NRIP1: variants seen among roughly 807,000 people sequenced by gnomAD.
The protein encoded by NRIP1 is nuclear receptor interacting protein 1.
A neutral mutation model predicts 75.0 loss-of-function variants in NRIP1; 28 were observed. That is an observed-to-expected ratio of 0.37 (90% CI 0.28 to 0.51). The LOEUF (loss-of-function observed/expected upper bound fraction) is 0.51, where lower values mean the gene tolerates loss of function less well. Among genes scored for constraint, NRIP1 ranks in the 20% least tolerant of loss-of-function variants. The pLI, the probability that NRIP1 is intolerant of heterozygous loss-of-function variation, is 0.92. For synonymous variants in NRIP1, 526 were observed against 487.6 expected, an observed-to-expected ratio of 1.08 and a Z score of -1.04; for missense variants, 1,435 against 1,343.7, an observed-to-expected ratio of 1.07 and a Z score of -1.06.
chr21:14,994,566 A>C (rs2087668197), intron 3 of NRIP1, among the ~76,000 whole-genome samples: 1 of 152,220 alleles, frequency 6.6e-6, no homozygotes, highest in African/African-American at 2.4e-5. Flanking sequence ...CTCAAGAAAC[A>C]ATTTTTTAAA....
intron 3 of NRIP1, among the ~76,000 whole-genome samples, chr21:14,978,830 G>A (rs2087152028): frequency 1.3e-5 from 2 of 152,150 alleles, no homozygotes; most frequent in Admixed American, 6.5e-5. Context: ...GAGATTTTAA[G>A]TTAAAAATCA....
At chr21:15,015,210 G>A (rs1210519963) in intron 2 of NRIP1, among the ~76,000 whole-genome samples, 1 of 152,130 alleles carries the variant, frequency 6.6e-6, no homozygotes, top group Non-Finnish European at 1.5e-5. Context: ...TAACATTCCA[G>A]AAAACGCAAA....
intron 2 of NRIP1, among the ~76,000 whole-genome samples, chr21:15,021,416 A>G (rs576485621): frequency 2.4e-4 from 36 of 152,354 alleles, no homozygotes; most frequent in Middle Eastern, 3.4e-3. Flanking sequence ...AGAGGAGAAC[A>G]GAGATTGGAA....
chr21:15,060,706 G>A (rs2089406281), intron 1 of NRIP1, among the ~76,000 whole-genome samples: 1 of 152,100 alleles, frequency 6.6e-6, no homozygotes, highest in Non-Finnish European at 1.5e-5. Flanking sequence ...ATGCACAAAA[G>A]GGGAACTTGT....
At chr21:15,057,863 G>A (rs2089339900) in intron 1 of NRIP1, among the ~76,000 whole-genome samples, 1 of 152,146 alleles carries the variant, frequency 6.6e-6, no homozygotes. Flanking sequence ...AAAGCTTCCA[G>A]CACAATGTCT....
chr21:15,028,772 T>C (rs1291849664), intron 2 of NRIP1, among the ~76,000 whole-genome samples: 1 of 152,186 alleles, frequency 6.6e-6, no homozygotes, highest in Non-Finnish European at 1.5e-5. Context: ...ATTATTGAAA[T>C]TACATACTTT....
chr21:15,048,282 G>A (rs1396175533), intron 1 of NRIP1, among the ~76,000 whole-genome samples: 1 of 151,972 alleles, frequency 6.6e-6, no homozygotes, highest in African/African-American at 2.4e-5. Flanking sequence ...GCTCAATGCA[G>A]GGCTGCCACA....
chr21:14,966,367 G>A lies in NRIP1; in HGVS notation c.1826C>T (p.Pro609Leu), dbSNP rs1430522676. The change falls in exon 4 of 4, where the codon CCA becomes CTA. Residue 609 changes from proline (P) to leucine (L), a missense_variant. Physicochemically the swap from Pro to Leu is moderately conservative, Grantham distance 98. Coordinates refer to ENST00000318948, the MANE Select transcript of NRIP1 (RefSeq NM_003489.4). Reference sequence around the variant, plus strand: ...TTCATTTTGGGCTGGTTTCTCTCCTGGTGGGTCTTTGCTTTTTGTAAGGTC... The same window carrying A: ...TTCATTTTGGGCTGGTTTCTCTCCTAGTGGGTCTTTGCTTTTTGTAAGGTC... The part of the protein sequence containing the change: ...SMDLTKSKDP[P>L]GEKPAQNEGA... 1 of 1,614,000 alleles carries A rather than the reference G, an allele frequency of 6.2e-7. No individual in the cohort carries two copies. The highest frequency in any genetic ancestry group is 2.2e-5 in the East Asian group (1 of 44,868).
chr21:15,036,450 T>C (rs977258544), intron 2 of NRIP1, among the ~76,000 whole-genome samples: 2 of 152,220 alleles, frequency 1.3e-5, no homozygotes, highest in Non-Finnish European at 2.9e-5. Flanking sequence ...TCAGGGTCTA[T>C]GTATGATTAC....
Position 15,018,911 on chromosome 21 carries a change from C to T in NRIP1, c.-457-4445G>A, listed in dbSNP as rs113286029. On this transcript the variant is annotated intron_variant, in intron 2 of 3. Coordinates refer to ENST00000318948, the MANE Select transcript of NRIP1 (RefSeq NM_003489.4). ...ACATTCATGCTTTGTCCCCATTTTA[C>T]GGAGAAAAAATTCCACCTTCCACTA... 1.2e-4 allele frequency among the ~76,000 whole-genome samples: 19 copies of T among 152,010 alleles called. No individual in the cohort carries two copies. In the East Asian group the frequency reaches 1.4e-3, roughly 11 times the overall value.
At chr21:15,058,689 T>C (rs1225315707) in intron 1 of NRIP1, among the ~76,000 whole-genome samples, 1 of 152,194 alleles carries the variant, frequency 6.6e-6, no homozygotes, top group African/African-American at 2.4e-5. Flanking sequence ...CATTTCAATA[T>C]TGTACATAAA....
chr21:15,010,980 C>A (rs1001362545), intron 3 of NRIP1, among the ~76,000 whole-genome samples: 1 of 152,214 alleles, frequency 6.6e-6, no homozygotes, highest in Non-Finnish European at 1.5e-5. Context: ...CCAACTAGGA[C>A]AACTCACCCA....
chr21:15,047,017 C>T (rs762577406), intron 1 of NRIP1, among the ~76,000 whole-genome samples: 11 of 152,160 alleles, frequency 7.2e-5, no homozygotes, highest in Admixed American at 7.2e-4. Context: ...AAAATATTCT[C>T]CATATTAGCA....
intron 2 of NRIP1, among the ~76,000 whole-genome samples, chr21:15,035,223 T>G (rs2088804681): frequency 6.6e-6 from 1 of 152,154 alleles, no homozygotes; most frequent in South Asian, 2.1e-4. Context: ...TTGTTTTAAA[T>G]TTTTTTAAAA....
chr21:14,961,579 C>CT lies in NRIP1; in HGVS notation c.*3136dup, dbSNP rs1391828231. The CT allele has an allele frequency of 2.0e-5, 3 of 152,360 alleles. No homozygotes were observed. Among genetic ancestry groups the CT allele is most frequent in the East Asian group, 1.9e-4 (1 of 5,186 alleles). The allele number at this position is 152,360 out of a possible 1,614,324, so 9.4% of individuals were successfully genotyped here. ...AAAGTGGTTGACGATTAAAAAAATT[C>CT]TTTAAGACCCTTCGAATCAAAGCAC... On this transcript the variant is annotated 3_prime_UTR_variant, in exon 4 of 4. Transcript: ENST00000318948.
intron 2 of NRIP1, among the ~76,000 whole-genome samples, chr21:15,021,530 A>G (rs1387500166): frequency 6.6e-6 from 1 of 152,170 alleles, no homozygotes. Flanking sequence ...CCAACTGAAC[A>G]CTTGCAGTGG....
At position 14,988,454 on chromosome 21, in the gene NRIP1, T is replaced by TAGATAGATAGATAGAC. The variant is rs373975511; in HGVS notation, c.-334-19929_-334-19928insGTCTATCTATCTATCT. On this transcript the variant is annotated intron_variant, in intron 3 of 3. Transcript: ENST00000318948. ...ATAGATAGATAGATAGATAGATAGA[T>TAGATAGATAGATAGAC]AGACAGACAGATAGATAGATAATAT... Among the ~76,000 whole-genome samples, 34 of 122,516 alleles carry TAGATAGATAGATAGAC rather than the reference T, an allele frequency of 2.8e-4. 1 individual carries two copies. Among genetic ancestry groups the TAGATAGATAGATAGAC allele is most frequent in the African/African-American group, 9.7e-4 (32 of 32,986 alleles). 80.4% of individuals were successfully genotyped at this position (122,516 alleles called of 152,430 possible). A position where few individuals can be genotyped will look rare whatever the true frequency, so the allele number is the denominator to read the frequency against.
chr21:15,056,249 T>C (rs1328577129), intron 1 of NRIP1, among the ~76,000 whole-genome samples: 1 of 143,920 alleles, frequency 6.9e-6, no homozygotes, highest in African/African-American at 2.6e-5. Flanking sequence ...TTCTATGAAA[T>C]AACTTCAATT....
chr21:15,012,585 T>C (rs1192939918), intron 3 of NRIP1, among the ~76,000 whole-genome samples: 1 of 150,108 alleles, frequency 6.7e-6, no homozygotes, highest in Non-Finnish European at 1.5e-5. Context: ...CCCAAATAAC[T>C]GGGACTACAG....
Sources: gnomAD v4.1 joint callset for allele counts (sites outside exome capture counted in the v4.1 genomes callset) on GRCh38, gnomAD v4.1.1 for gene constraint, MANE v1.5 for transcripts, NCBI Gene and HGNC (gene_info 2026-07-23, HGNC 2026-07-21) for gene names.